Variants in PCDHA8 observed in about 807,000 individuals in gnomAD.
PCDHA8 encodes the protein protocadherin alpha 8.
Under a neutral mutation model 61.8 loss-of-function variants are expected in PCDHA8, and 53 were observed. The observed-to-expected ratio is 0.86, with a 90% CI of 0.69 to 1.08. The LOEUF is 1.08. PCDHA8 is among the 50% of genes least tolerant of loss of function. PCDHA8 has a pLI of 0.00. For missense variants in PCDHA8, 1,293 were observed against 1,245.0 expected (o/e 1.04, Z -0.58); for synonymous variants, 618 against 556.6 (o/e 1.11, Z -1.55).
At chr5:140,857,246 T>C in intron 1 of PCDHA8, 1 of 1,598,642 alleles carries the variant, frequency 6.3e-7, no homozygotes, top group Non-Finnish European at 8.6e-7. Context: ...GGTGTCCACC[T>C]ACAAGAATTA....
chr5:140,945,496 A>G (rs2093798194), intron 1 of PCDHA8, among the ~76,000 whole-genome samples: 1 of 152,142 alleles, frequency 6.6e-6, no homozygotes, highest in South Asian at 2.1e-4. Context: ...TACCCAAAGC[A>G]ATATTGAGCA....
At chr5:140,982,683 T>C in intron 3 of PCDHA8, 120 bp downstream of exon 3, 2 of 1,424,800 alleles carry the variant, frequency 1.4e-6, no homozygotes, top group Non-Finnish European at 1.8e-6. Context: ...TATTCCCTTT[T>C]TTCCATACAT....
At chr5:140,983,588 C>T (rs530448589) in intron 3 of PCDHA8, among the ~76,000 whole-genome samples, 2 of 152,270 alleles carry the variant, frequency 1.3e-5, no homozygotes, top group East Asian at 3.9e-4. Flanking sequence ...TACATCTATT[C>T]TACATATGAG....
intron 1 of PCDHA8, among the ~76,000 whole-genome samples, chr5:140,873,452 C>A (rs147398020): frequency 6.4e-4 from 97 of 152,122 alleles, no homozygotes; most frequent in Non-Finnish European, 1.1e-3. Context: ...AACAAATTTG[C>A]ATTTTAGATA....
intron 1 of PCDHA8, among the ~76,000 whole-genome samples, chr5:140,906,179 C>G (rs2072430767): frequency 1.3e-5 from 2 of 152,172 alleles, no homozygotes; most frequent in African/African-American, 4.8e-5. Flanking sequence ...TACTTTGCAT[C>G]CTTCAATCCA....
At chr5:140,978,283 G>A (rs1355729190) in intron 1 of PCDHA8, among the ~76,000 whole-genome samples, 3 of 152,200 alleles carry the variant, frequency 2.0e-5, no homozygotes, top group South Asian at 2.1e-4. Context: ...CAGTGATTCA[G>A]TGAGGAGGGA....
intron 1 of PCDHA8, among the ~76,000 whole-genome samples, chr5:140,879,347 T>A (rs530902728): frequency 3.3e-5 from 5 of 152,206 alleles, no homozygotes; most frequent in Admixed American, 2.0e-4. Context: ...GCTGAGAAGA[T>A]GACATTGCCA....
intron 1 of PCDHA8, among the ~76,000 whole-genome samples, chr5:140,910,513 A>G (rs1293675976): frequency 2.0e-5 from 3 of 152,184 alleles, no homozygotes; most frequent in Non-Finnish European, 4.4e-5. Flanking sequence ...CTCTTCAAGG[A>G]TGCAGGTACT....
At chr5:140,871,700 A>G in intron 1 of PCDHA8, 1 of 896,726 alleles carries the variant, frequency 1.1e-6, no homozygotes, top group Non-Finnish European at 1.6e-6. Flanking sequence ...TTCTTTAACC[A>G]ATAAATGTCC....
chr5:140,875,537 C>A, intron 1 of PCDHA8: 1 of 1,614,130 alleles, frequency 6.2e-7, no homozygotes, highest in South Asian at 1.1e-5. Context: ...CTGCTCCTTG[C>A]AGCCTGGGAG....
chr5:140,848,322 C>T, intron 1 of PCDHA8: 1 of 771,738 alleles, frequency 1.3e-6, no homozygotes, highest in Non-Finnish European at 2.1e-6. Flanking sequence ...CCGCGATGTT[C>T]TCTCTGAATC....
chr5:140,854,281 A>C, intron 1 of PCDHA8: 2 of 533,292 alleles, frequency 3.8e-6, no homozygotes, highest in Non-Finnish European at 4.8e-6. Context: ...AATTGAGTTT[A>C]GTTTTTATTA....
At position 140,928,998 on chromosome 5, in the gene PCDHA8, C is replaced by G. The variant is rs1448389331; in HGVS notation, c.2395-49951C>G. On this transcript the variant is annotated intron_variant, in intron 1 of 3. Coordinates refer to ENST00000531613, the MANE Select transcript of PCDHA8 (RefSeq NM_018911.3). The stretch of plus-strand genomic sequence containing the variant: ...TATTTCTGGGGTGCTTACTTTTCTT[C>G]GTGTGTACCAAGTTGCACCAGAGCC... The G allele has an allele frequency of 8.1e-6, 13 of 1,613,784 alleles. No individual in the cohort carries two copies. The Admixed American group carries it at 2.2e-4, about 27-fold the overall frequency.
At chr5:140,966,755 C>A in intron 1 of PCDHA8, 1 of 1,434,520 alleles carries the variant, frequency 7.0e-7, no homozygotes, top group South Asian at 1.5e-5. Context: ...GCCTCCGCCG[C>A]GGCCAGTGGC....
intron 1 of PCDHA8, among the ~76,000 whole-genome samples, chr5:140,895,667 G>A (rs2153450568): frequency 1.3e-5 from 2 of 152,262 alleles, no homozygotes; most frequent in South Asian, 4.1e-4. Context: ...GTGAGAACAT[G>A]TAGTATTTGG....
chr5:140,955,698 T>C (rs1295764352), intron 1 of PCDHA8, among the ~76,000 whole-genome samples: 2 of 152,218 alleles, frequency 1.3e-5, no homozygotes, highest in South Asian at 2.1e-4. Context: ...TGAATGTCAA[T>C]GGAAGTTTAA....
chr5:140,848,547 C>G, intron 1 of PCDHA8: 1 of 1,595,512 alleles, frequency 6.3e-7, no homozygotes, highest in Non-Finnish European at 8.6e-7. Flanking sequence ...ACTGCTCTCG[C>G]TTCTGATCCT....
At chr5:140,869,772 T>A (rs1554163433) in intron 1 of PCDHA8, 1 of 1,613,190 alleles carries the variant, frequency 6.2e-7, no homozygotes, top group Non-Finnish European at 8.5e-7. Context: ...CAGAGCTTAC[T>A]GGCACCGTTC....
intron 1 of PCDHA8, chr5:140,883,566 C>A: frequency 1.2e-5 from 19 of 1,614,176 alleles, no homozygotes; most frequent in Non-Finnish European, 1.5e-5. Flanking sequence ...GGGGGCTCGC[C>A]TTCGCTGTGG....
Sources: gnomAD v4.1 joint callset for allele counts (sites outside exome capture counted in the v4.1 genomes callset) on GRCh38, gnomAD v4.1.1 for gene constraint, MANE v1.5 for transcripts, NCBI Gene and HGNC (gene_info 2026-07-23, HGNC 2026-07-21) for gene names.